The following CDH13 variants were observed in gnomAD, a reference collection of about 807,000 sequenced individuals.
CDH13 encodes cadherin-13.
Under a neutral mutation model 63.8 loss-of-function variants are expected in CDH13, and 24 were observed. That is an observed-to-expected ratio of 0.38 (90% CI 0.27 to 0.53). The LOEUF (loss-of-function observed/expected upper bound fraction) is 0.53. Ranked by LOEUF, CDH13 falls within the 20% of genes least tolerant of loss-of-function variation. The pLI, the probability that CDH13 is intolerant of heterozygous loss-of-function variation, is 0.85. For synonymous variants in CDH13, 503 were observed against 355.3 expected, an observed-to-expected ratio of 1.42 and a Z score of -4.67; for missense variants, 1,049 against 903.1, an observed-to-expected ratio of 1.16 and a Z score of -2.07.
chr16:83,487,741 C>T (rs757317538), intron 7 of CDH13, among the ~76,000 whole-genome samples: 1 of 152,198 alleles, frequency 6.6e-6, no homozygotes, highest in African/African-American at 2.4e-5. Context: ...ACCATCAGCT[C>T]CACGTAACTG....
At chr16:83,742,047 C>T (rs1364615927) in intron 10 of CDH13, among the ~76,000 whole-genome samples, 5 of 152,224 alleles carry the variant, frequency 3.3e-5, no homozygotes, top group East Asian at 1.9e-4. Flanking sequence ...TCACAGAAAG[C>T]GAGTGACCCC....
intron 7 of CDH13, among the ~76,000 whole-genome samples, chr16:83,531,313 G>A (rs2075077586): frequency 6.6e-6 from 1 of 152,184 alleles, no homozygotes; most frequent in Admixed American, 6.5e-5. Flanking sequence ...TGGCCTGAAG[G>A]CAGCACAGTA....
chr16:83,751,958 C>T (rs996145924), intron 11 of CDH13, among the ~76,000 whole-genome samples: 3 of 152,174 alleles, frequency 2.0e-5, no homozygotes, highest in African/African-American at 7.2e-5. Flanking sequence ...GGGAGTTGCC[C>T]ATGCAGAAGA....
chr16:83,455,669 T>C (rs1354806608), intron 6 of CDH13, among the ~76,000 whole-genome samples: 2 of 152,122 alleles, frequency 1.3e-5, no homozygotes, highest in African/African-American at 4.8e-5. Context: ...AGCTTTGCAA[T>C]TTATCCCTCT....
At chr16:83,398,709 G>A (rs2091924075) in intron 6 of CDH13, among the ~76,000 whole-genome samples, 1 of 152,158 alleles carries the variant, frequency 6.6e-6, no homozygotes, top group Admixed American at 6.5e-5. Flanking sequence ...TTGCTCAGAG[G>A]TTGGAATATG....
intron 2 of CDH13, among the ~76,000 whole-genome samples, chr16:82,860,417 G>A (rs1045187086): frequency 1.2e-4 from 18 of 147,174 alleles, no homozygotes; most frequent in African/African-American, 4.3e-4. Flanking sequence ...GTGCGTGTGT[G>A]CTTTAATCCC....
At chr16:82,652,011 G>C (rs1349787653) in intron 1 of CDH13, among the ~76,000 whole-genome samples, 1 of 152,192 alleles carries the variant, frequency 6.6e-6, no homozygotes, top group African/African-American at 2.4e-5. Context: ...AAGCCTACTA[G>C]TTTCACTTCT....
chr16:82,866,698 C>A (rs1045716902), intron 2 of CDH13, among the ~76,000 whole-genome samples: 1 of 152,082 alleles, frequency 6.6e-6, no homozygotes, highest in African/African-American at 2.4e-5. Flanking sequence ...CACAGTTCAG[C>A]ATGCCTGGGG....
At chr16:83,342,843 G>GTTTT (rs778316746) in intron 5 of CDH13, among the ~76,000 whole-genome samples, 152 of 65,214 alleles carry the variant, frequency 2.3e-3, no homozygotes, top group African/African-American at 4.0e-3. Flanking sequence ...TTTTGTTTCT[G>GTTTT]TTTTTTTTTT....
chr16:83,709,133 T>G (rs1907611904), intron 10 of CDH13, among the ~76,000 whole-genome samples: 1 of 152,080 alleles, frequency 6.6e-6, no homozygotes, highest in Non-Finnish European at 1.5e-5. Flanking sequence ...TGGAGCCACA[T>G]AAGGAAGAAT....
intron 6 of CDH13, among the ~76,000 whole-genome samples, chr16:83,365,026 C>T (rs1037792615): frequency 1.3e-5 from 2 of 152,136 alleles, no homozygotes; most frequent in Admixed American, 6.5e-5. Flanking sequence ...ACAGGTGTAC[C>T]TATGTAATAA....
chr16:82,795,666 A>G (rs2036544619), intron 1 of CDH13, among the ~76,000 whole-genome samples: 1 of 152,162 alleles, frequency 6.6e-6, no homozygotes, highest in Non-Finnish European at 1.5e-5. Context: ...AGAGACCTGC[A>G]TTTATCTGTA....
chr16:83,556,696 C>T (rs1246860140), intron 7 of CDH13, among the ~76,000 whole-genome samples: 2 of 152,234 alleles, frequency 1.3e-5, no homozygotes, highest in Non-Finnish European at 2.9e-5. Context: ...ATTTCCACAA[C>T]ATCAAGAATG....
rs112313581 is a variant in CDH13 at position 83,676,139 on chromosome 16, G to A, written c.1285-2069G>A. On this transcript the variant is annotated intron_variant, in intron 9 of 13. Transcript: ENST00000567109. ...AAAAAACAACCAGTTGTCCCCAGCC[G>A]AGGAAAAGGAGCTGAGCGGCACAAA... Among the ~76,000 whole-genome samples the A allele has an allele frequency of 5.0e-4, 76 of 152,308 alleles. No homozygotes were observed. The East Asian group carries it at 7.7e-3, about 15-fold the overall frequency.
At chr16:82,666,530 G>A (rs1393891915) in intron 1 of CDH13, among the ~76,000 whole-genome samples, 3 of 152,160 alleles carry the variant, frequency 2.0e-5, no homozygotes, top group African/African-American at 7.2e-5. Context: ...GGCTATAAGG[G>A]GAAAGCACAC....
At chr16:83,060,506 C>T (rs993861674) in intron 3 of CDH13, among the ~76,000 whole-genome samples, 1 of 152,152 alleles carries the variant, frequency 6.6e-6, no homozygotes, top group African/African-American at 2.4e-5. Flanking sequence ...TGCATCCCCT[C>T]CATTAACTCA....
chr16:83,000,681 G>A (rs567406251), intron 2 of CDH13, among the ~76,000 whole-genome samples: 1 of 149,454 alleles, frequency 6.7e-6, no homozygotes, highest in South Asian at 2.1e-4. Context: ...CTGGGTTCAC[G>A]CCATTCTCCT....
chr16:82,945,881 T>C (rs1269395597), intron 2 of CDH13, among the ~76,000 whole-genome samples: 1 of 152,182 alleles, frequency 6.6e-6, no homozygotes, highest in Non-Finnish European at 1.5e-5. Flanking sequence ...CTGAGTCATT[T>C]CCTAGGGACA....
At chr16:83,619,638 C>A (rs771278477) in intron 8 of CDH13, among the ~76,000 whole-genome samples, 1 of 152,046 alleles carries the variant, frequency 6.6e-6, no homozygotes, top group Non-Finnish European at 1.5e-5. Context: ...AGCATCCCCC[C>A]AGTTCCTGCC....
Sources: allele counts gnomAD v4.1 joint callset (sites outside exome capture counted in the v4.1 genomes callset), GRCh38; gene constraint gnomAD v4.1.1; transcripts MANE v1.5; gene names NCBI Gene and HGNC (gene_info 2026-07-23, HGNC 2026-07-21).